Variants in DNER observed in about 807,000 individuals in gnomAD.
DNER encodes the protein delta and Notch-like epidermal growth factor-related receptor.
Under a neutral mutation model 78.2 loss-of-function variants are expected in DNER, and 33 were observed. That is an observed-to-expected ratio of 0.42 (90% CI 0.32 to 0.56). DNER has a LOEUF of 0.56. Among genes scored for constraint, DNER ranks in the 20% least tolerant of loss-of-function variants. The probability of loss-of-function intolerance (pLI) is 0.11; values close to 1 mark genes in which losing one functional copy is unlikely to be tolerated. For missense variants in DNER, 918 were observed against 975.3 expected (o/e 0.94, Z 0.78); for synonymous variants, 417 against 384.8 (o/e 1.08, Z -0.98).
intron 1 of DNER, among the ~76,000 whole-genome samples, chr2:229,635,468 T>C (rs111897559): frequency 8.6e-5 from 13 of 151,708 alleles, no homozygotes; most frequent in African/African-American, 3.1e-4. Context: ...TCTGATTAGA[T>C]GTCTGCAGCA....
At chr2:229,449,288 T>C (rs953204079) in intron 7 of DNER, among the ~76,000 whole-genome samples, 8 of 152,210 alleles carry the variant, frequency 5.3e-5, no homozygotes, top group African/African-American at 1.9e-4. Context: ...GACAGTACTA[T>C]ATGTTACCGT....
At chr2:229,408,496 G>T (rs999761819) in intron 9 of DNER, among the ~76,000 whole-genome samples, 1 of 151,766 alleles carries the variant, frequency 6.6e-6, no homozygotes, top group Non-Finnish European at 1.5e-5. Context: ...GCCTAAGAAC[G>T]TACATAATGA....
intron 9 of DNER, 93 bp downstream of exon 9, chr2:229,418,015 C>T (rs973468665): frequency 1.9e-6 from 3 of 1,585,058 alleles, no homozygotes; most frequent in Non-Finnish European, 2.6e-6. Context: ...CTGAACAATT[C>T]ATGGTCCAAT....
chr2:229,695,885 A>G lies in DNER; in HGVS notation c.276+18263T>C, dbSNP rs138967371. Reference sequence around the variant, plus strand: ...TGTTTATGAGCTTCTCTGGGCCTCAAACTGTCCAGAGTTGCCAGAACTGCT... The same window carrying G: ...TGTTTATGAGCTTCTCTGGGCCTCAGACTGTCCAGAGTTGCCAGAACTGCT... On this transcript the variant is annotated intron_variant, in intron 1 of 12. Transcript: ENST00000341772. Among the ~76,000 whole-genome samples the G allele has an allele frequency of 1.7e-3, 255 of 152,290 alleles. 2 individuals are homozygous for G. The East Asian group carries it at 0.029, about 18-fold the overall frequency.
chr2:229,683,818 A>C (rs1699429325), intron 1 of DNER, among the ~76,000 whole-genome samples: 1 of 152,148 alleles, frequency 6.6e-6, no homozygotes, highest in African/African-American at 2.4e-5. Context: ...CCAGGAGCCA[A>C]AGTAGGGATG....
chr2:229,429,338 TGC>T (rs1163607206), intron 8 of DNER, among the ~76,000 whole-genome samples: 2 of 152,236 alleles, frequency 1.3e-5, no homozygotes, highest in Non-Finnish European at 2.9e-5. Context: ...TGCAGCTCAG[TGC>T]CAGTGTGTCA....
At chr2:229,476,394 A>T (rs541949758) in intron 7 of DNER, among the ~76,000 whole-genome samples, 1 of 152,284 alleles carries the variant, frequency 6.6e-6, no homozygotes, top group East Asian at 1.9e-4. Flanking sequence ...GGTAATTGTG[A>T]ATACACAGAT....
chr2:229,564,921 G>T (rs1390655793), intron 4 of DNER, among the ~76,000 whole-genome samples: 3 of 152,136 alleles, frequency 2.0e-5, no homozygotes, highest in African/African-American at 7.2e-5. Flanking sequence ...CCCGTTCCTG[G>T]CTCACAGATG....
intron 4 of DNER, among the ~76,000 whole-genome samples, chr2:229,582,294 A>C: frequency 6.6e-6 from 1 of 152,130 alleles, no homozygotes; most frequent in Non-Finnish European, 1.5e-5. Flanking sequence ...CAAAAGGTAC[A>C]TCTTGTTTCT....
chr2:229,578,108 A>T (rs1181738634), intron 4 of DNER, among the ~76,000 whole-genome samples: 3 of 152,194 alleles, frequency 2.0e-5, no homozygotes, highest in South Asian at 2.1e-4. Flanking sequence ...CAAGAGGTGA[A>T]TTTCCAGTTT....
chr2:229,600,776 T>A (rs1193278932), intron 1 of DNER, among the ~76,000 whole-genome samples: 1 of 152,166 alleles, frequency 6.6e-6, no homozygotes, highest in Non-Finnish European at 1.5e-5. Flanking sequence ...TAAATGGAGA[T>A]GAATGATGAG....
At chr2:229,629,832 C>A (rs1248920711) in intron 1 of DNER, among the ~76,000 whole-genome samples, 1 of 152,136 alleles carries the variant, frequency 6.6e-6, no homozygotes, top group Admixed American at 6.5e-5. Context: ...ATAGATGGAT[C>A]TTTAAAACAA....
chr2:229,471,084 A>G (rs1218286290), intron 7 of DNER, among the ~76,000 whole-genome samples: 2 of 151,846 alleles, frequency 1.3e-5, no homozygotes, highest in Non-Finnish European at 2.9e-5. Flanking sequence ...AAATACATGG[A>G]GTTTCATATG....
At chr2:229,696,342 T>A (rs1223845125) in intron 1 of DNER, among the ~76,000 whole-genome samples, 1 of 152,208 alleles carries the variant, frequency 6.6e-6, no homozygotes, top group Non-Finnish European at 1.5e-5. Context: ...CTGCATGATG[T>A]ATTAAATGTG....
intron 1 of DNER, among the ~76,000 whole-genome samples, chr2:229,667,544 C>T (rs1699114949): frequency 6.6e-6 from 1 of 152,136 alleles, no homozygotes; most frequent in Non-Finnish European, 1.5e-5. Flanking sequence ...GTGTTCACCA[C>T]TAGTCTTTTT....
intron 1 of DNER, among the ~76,000 whole-genome samples, chr2:229,707,934 C>A (rs1016399683): frequency 6.6e-6 from 1 of 152,198 alleles, no homozygotes; most frequent in African/African-American, 2.4e-5. Context: ...TAAGCCATAG[C>A]AACTTTCAAG....
rs1694149783 is a variant in DNER, at chr2:229,437,626, G to C, written c.1486+9690C>G. Among the ~76,000 whole-genome samples the C allele has an allele frequency of 2.0e-5, 3 of 152,170 alleles. No individual in the cohort carries two copies. In the South Asian group the frequency reaches 6.2e-4, roughly 32 times the overall value. On this transcript the variant is annotated intron_variant, in intron 8 of 12. Coordinates refer to ENST00000341772, the MANE Select transcript of DNER (RefSeq NM_139072.4). ...TCACCTATAATGGCACATTGTTACA[G>C]AGTTTCCAATCCTCCATGATTGACA... is the stretch of plus-strand genomic sequence containing the variant.
intron 5 of DNER, among the ~76,000 whole-genome samples, chr2:229,516,288 A>C (rs1695969356): frequency 6.6e-6 from 1 of 152,208 alleles, no homozygotes; most frequent in Non-Finnish European, 1.5e-5. Context: ...GCTGACTTGT[A>C]AGAGATCATG....
At chr2:229,541,252 T>G (rs1223964263) in intron 5 of DNER, among the ~76,000 whole-genome samples, 2 of 152,112 alleles carry the variant, frequency 1.3e-5, no homozygotes, top group African/African-American at 4.8e-5. Context: ...AATATGACTT[T>G]TTGCCAGGGG....
Sources: allele counts gnomAD v4.1 joint callset (sites outside exome capture counted in the v4.1 genomes callset), GRCh38; gene constraint gnomAD v4.1.1; transcripts MANE v1.5; gene names NCBI Gene and HGNC (gene_info 2026-07-23, HGNC 2026-07-21).